Variants in PLXDC2 observed in about 807,000 individuals in gnomAD.
The protein encoded by PLXDC2 is plexin domain containing 2.
PLXDC2 carries 40 observed loss-of-function variants against 68.9 expected under a neutral mutation model. The ratio of observed to expected loss-of-function variants is 0.58; its 90% CI spans 0.45 to 0.76. The LOEUF is 0.76. Ranked by LOEUF, PLXDC2 falls within the 30% of genes least tolerant of loss-of-function variation. The pLI, the probability that PLXDC2 is intolerant of heterozygous loss-of-function variation, is 0.00. For missense variants in PLXDC2, 644 were observed against 661.9 expected (o/e 0.97, Z 0.30); for synonymous variants, 243 against 234.2 (o/e 1.04, Z -0.34).
Position 20,044,209 on chromosome 10 carries a change from CTGTCTTTCTT to C in PLXDC2, c.325-2658_325-2649del, listed in dbSNP as rs1312310236. ...TCTTTCTTTCTCTCTCTCTCTCTCT[CTGTCTTTCTT>C]TCTTTCTTTCTTTCTTTCTTTCTTT... is the stretch of plus-strand genomic sequence containing the variant. On this transcript the variant is annotated intron_variant, in intron 2 of 13. Coordinates refer to ENST00000377252, the MANE Select transcript of PLXDC2 (RefSeq NM_032812.9). Among the ~76,000 whole-genome samples, 190 of 91,570 alleles carry C rather than the reference CTGTCTTTCTT, an allele frequency of 2.1e-3. 4 individuals are homozygous for C. Among genetic ancestry groups the C allele is most frequent in the African/African-American group, 3.1e-3 (64 of 20,598 alleles). 60.1% of individuals were successfully genotyped at this position (91,570 alleles called of 152,430 possible). A position where few individuals can be genotyped will look rare whatever the true frequency, so the allele number is the denominator to read the frequency against.
At chr10:20,111,741 T>G (rs1207049815) in intron 4 of PLXDC2, among the ~76,000 whole-genome samples, 1 of 152,234 alleles carries the variant, frequency 6.6e-6, no homozygotes, top group Admixed American at 6.5e-5. Context: ...GTAAGAAAGT[T>G]CATTCTCCCA....
intron 1 of PLXDC2, among the ~76,000 whole-genome samples, chr10:19,909,745 G>T (rs1833231320): frequency 6.6e-6 from 1 of 152,128 alleles, no homozygotes; most frequent in Non-Finnish European, 1.5e-5. Flanking sequence ...AATAGACACA[G>T]GTACATAGGT....
intron 4 of PLXDC2, among the ~76,000 whole-genome samples, chr10:20,095,604 T>C (rs1188544475): frequency 2.0e-5 from 3 of 152,158 alleles, no homozygotes; most frequent in African/African-American, 7.2e-5. Context: ...GATTAAGGAC[T>C]AGTTCGTGGC....
chr10:19,872,845 T>C (rs1455789631), intron 1 of PLXDC2, among the ~76,000 whole-genome samples: 1 of 152,178 alleles, frequency 6.6e-6, no homozygotes, highest in African/African-American at 2.4e-5. Context: ...ACACCATTTG[T>C]TGCACCCTGG....
chr10:20,255,402 C>G (rs1455012221), intron 13 of PLXDC2, among the ~76,000 whole-genome samples: 1 of 152,116 alleles, frequency 6.6e-6, no homozygotes, highest in African/African-American at 2.4e-5. Flanking sequence ...AGAGACTACT[C>G]TACTGACAGT....
At chr10:19,918,367 C>G (rs1174128417) in intron 1 of PLXDC2, among the ~76,000 whole-genome samples, 1 of 152,080 alleles carries the variant, frequency 6.6e-6, no homozygotes, top group Non-Finnish European at 1.5e-5. Flanking sequence ...TCCTATAAGC[C>G]TAAGTGACGA....
chr10:20,205,115 G>T (rs1468699681), intron 9 of PLXDC2, among the ~76,000 whole-genome samples: 2 of 152,094 alleles, frequency 1.3e-5, no homozygotes, highest in African/African-American at 2.4e-5. Context: ...ACACAAGTTA[G>T]AGATTTGATG....
At position 19,922,575 on chromosome 10, in the gene PLXDC2, T is replaced by C. The variant is rs1370271605; in HGVS notation, c.113-79200T>C. 4.6e-5 allele frequency among the ~76,000 whole-genome samples: 7 copies of C among 152,180 alleles called. No homozygotes were observed. In the East Asian group the frequency reaches 1.3e-3, roughly 29 times the overall value. ...TGGAGGCTTCATTTGTGACCAGTAC[T>C]GTGTGTGTTTTCACTCAGTACAGTT... is the stretch of plus-strand genomic sequence containing the variant. On this transcript the variant is annotated intron_variant, in intron 1 of 13. Coordinates refer to ENST00000377252, the MANE Select transcript of PLXDC2 (RefSeq NM_032812.9).
chr10:19,849,917 G>A (rs1163006513), intron 1 of PLXDC2, among the ~76,000 whole-genome samples: 1 of 152,120 alleles, frequency 6.6e-6, no homozygotes, highest in Non-Finnish European at 1.5e-5. Context: ...CTTCCTAAAG[G>A]GAGGTCTGCT....
In PLXDC2 at chr10:20,257,403, G is replaced by T. The variant is rs1437964923; in HGVS notation, c.1473+11898G>T. The stretch of plus-strand genomic sequence containing the variant: ...GAAGGCATGTGTGTGCATACTTACA[G>T]TTAATGGAGGAAACTTTTTGTTGTT... On this transcript the variant is annotated intron_variant, in intron 13 of 13. Transcript: ENST00000377252. Among the ~76,000 whole-genome samples, 15 of 151,144 alleles carry T rather than the reference G, an allele frequency of 9.9e-5. 1 individual carries two copies. Among genetic ancestry groups the T allele is most frequent in the Admixed American group, 9.9e-4 (15 of 15,196 alleles).
chr10:20,213,548 A>G (rs1438037189), intron 10 of PLXDC2, among the ~76,000 whole-genome samples: 2 of 152,070 alleles, frequency 1.3e-5, no homozygotes, highest in Non-Finnish European at 2.9e-5. Flanking sequence ...CCTTGTCGAG[A>G]TCTGTAATCC....
At chr10:20,205,939 G>C (rs1262276211) in intron 9 of PLXDC2, among the ~76,000 whole-genome samples, 1 of 151,422 alleles carries the variant, frequency 6.6e-6, no homozygotes, top group African/African-American at 2.4e-5. Context: ...TATTTTTGCT[G>C]TACCTATCTA....
Position 20,068,239 on chromosome 10 carries a change from G to A in PLXDC2, c.541G>A (p.Gly181Ser). The A allele has an allele frequency of 1.2e-6, 2 of 1,609,856 alleles. No homozygotes were observed. The highest frequency in any genetic ancestry group is 1.7e-6 in the Non-Finnish European group (2 of 1,176,950). ...ACGTGAAATCACTGTGGCAACCGGG[G>A]GTAAGTGGTTTTCTACCCATTCACC... ...FLREITVATG[G>S]FIYTGEVVHR... The change falls in exon 4 of 14, where the codon GGT (glycine) becomes AGT (serine). Residue 181 changes from glycine (G) to serine (S), a missense_variant and splice_region_variant. Around this residue, in one of 3 missense-constraint regions of PLXDC2, gnomAD observed 113 missense variants for 167.1 expected, o/e 0.68. Transcript: ENST00000377252.
At chr10:19,895,161 A>C (rs889357139) in intron 1 of PLXDC2, among the ~76,000 whole-genome samples, 1 of 152,188 alleles carries the variant, frequency 6.6e-6, no homozygotes, top group Non-Finnish European at 1.5e-5. Flanking sequence ...TTTTCTTAAC[A>C]ACTAGGGGAA....
At chr10:20,098,342 C>CGTGTGTGT (rs1833378165) in intron 4 of PLXDC2, among the ~76,000 whole-genome samples, 1 of 101,750 alleles carries the variant, frequency 9.8e-6, no homozygotes, top group Admixed American at 1.0e-4. Flanking sequence ...CCGTCATTTT[C>CGTGTGTGT]GTGCGTGTGT....
intron 12 of PLXDC2, among the ~76,000 whole-genome samples, chr10:20,242,244 A>C (rs1835526108): frequency 6.6e-6 from 1 of 152,216 alleles, no homozygotes; most frequent in South Asian, 2.1e-4. Context: ...AAAGTTTTAA[A>C]AGCAACACAT....
chr10:20,241,247 A>G (rs1050254067), intron 12 of PLXDC2, among the ~76,000 whole-genome samples: 3 of 152,258 alleles, frequency 2.0e-5, no homozygotes. Context: ...ACCACACTCA[A>G]GGTGCAAATC....
In PLXDC2 at chr10:20,052,417, A is replaced by G. The variant is rs117457492; in HGVS notation, c.471+5402A>G. 4.5e-4 allele frequency among the ~76,000 whole-genome samples: 68 copies of G among 152,004 alleles called. No individual in the cohort carries two copies. In the East Asian group the frequency reaches 0.013, roughly 29 times the overall value. On this transcript the variant is annotated intron_variant, in intron 3 of 13. Coordinates refer to ENST00000377252, the MANE Select transcript of PLXDC2 (RefSeq NM_032812.9). The stretch of plus-strand genomic sequence containing the variant: ...CAAAAGATTACAAAATTTTAATATT[A>G]AGGTAATATTGTGACCAGGGGGCTG...
At chr10:20,113,422 C>T (rs1379370100) in intron 4 of PLXDC2, among the ~76,000 whole-genome samples, 1 of 152,140 alleles carries the variant, frequency 6.6e-6, no homozygotes, top group East Asian at 1.9e-4. Context: ...CCCTTTCGCC[C>T]TTTATCCAAT....
Sources: gnomAD v4.1 joint callset for allele counts (sites outside exome capture counted in the v4.1 genomes callset) on GRCh38, gnomAD v4.1.1 for gene constraint, gnomAD v4.1.1 regional missense constraint, MANE v1.5 for transcripts, NCBI Gene and HGNC (gene_info 2026-07-23, HGNC 2026-07-21) for gene names.